SPAG9: variants seen among roughly 807,000 people sequenced by gnomAD.
SPAG9 encodes the protein C-Jun-amino-terminal kinase-interacting protein 4.
SPAG9 carries 35 observed loss-of-function variants against 166.5 expected under a neutral mutation model. That is an observed-to-expected ratio of 0.21 (90% CI 0.16 to 0.28). The LOEUF is 0.28. Ranked by LOEUF, SPAG9 falls within the 10% of genes least tolerant of loss-of-function variation. The probability of loss-of-function intolerance (pLI) is 1.00; values close to 1 mark genes in which losing one functional copy is unlikely to be tolerated. For synonymous variants in SPAG9, 534 were observed against 565.5 expected (o/e 0.94, Z 0.79); for missense variants, 1,235 against 1,603.3 (o/e 0.77, Z 3.92).
At chr17:51,077,029 T>TATCTAGCTATCTAGCTATCTAGCTAG (rs2048008868) in intron 2 of SPAG9, among the ~76,000 whole-genome samples, 1 of 65,274 alleles carries the variant, frequency 1.5e-5, no homozygotes, top group African/African-American at 5.6e-5. Flanking sequence ...TATCTAGCTA[T>TATCTAGCTATCTAGCTATCTAGCTAG]CTATCTAGCT....
chr17:51,021,611 A>T (rs2045939369), intron 6 of SPAG9, among the ~76,000 whole-genome samples: 2 of 152,202 alleles, frequency 1.3e-5, no homozygotes, highest in Admixed American at 1.3e-4. Context: ...AAAATAAAAG[A>T]ATTATTAGCA....
chr17:50,971,459 CTTTTTT>C (rs71353691), intron 28 of SPAG9, among the ~76,000 whole-genome samples: 1 of 89,900 alleles, frequency 1.1e-5, no homozygotes, highest in Admixed American at 1.4e-4. Context: ...TTCAAACTAC[CTTTTTT>C]TTTTTTTTTT....
chr17:51,013,828 T>C (rs1034003231), intron 9 of SPAG9, among the ~76,000 whole-genome samples: 2 of 152,082 alleles, frequency 1.3e-5, no homozygotes, highest in African/African-American at 4.8e-5. Context: ...TTAATTAAAG[T>C]CAACAGAATA....
chr17:51,116,189 G>T (rs1460601117), intron 1 of SPAG9, among the ~76,000 whole-genome samples: 4 of 152,074 alleles, frequency 2.6e-5, no homozygotes, highest in Non-Finnish European at 5.9e-5. Context: ...GGGATTACAG[G>T]CACCCACCAC....
chr17:51,054,609 C>T (rs1405004632), intron 3 of SPAG9, among the ~76,000 whole-genome samples: 2 of 151,372 alleles, frequency 1.3e-5, no homozygotes, highest in African/African-American at 2.4e-5. Context: ...GCTAATTTTT[C>T]GTATTTTTAG....
At chr17:51,088,919 C>T (rs927285303) in intron 1 of SPAG9, among the ~76,000 whole-genome samples, 1 of 149,788 alleles carries the variant, frequency 6.7e-6, no homozygotes, top group African/African-American at 2.5e-5. Flanking sequence ...ATGGTGCAAC[C>T]CCGCATCTAC....
intron 12 of SPAG9, among the ~76,000 whole-genome samples, chr17:51,004,347 C>T (rs1882395486): frequency 6.6e-6 from 1 of 152,062 alleles, no homozygotes; most frequent in South Asian, 2.1e-4. Flanking sequence ...ACATAAGATA[C>T]TAAAAAACAG....
chr17:50,983,821 A>T (rs1016639121), intron 24 of SPAG9, among the ~76,000 whole-genome samples: 3 of 152,306 alleles, frequency 2.0e-5, no homozygotes, highest in South Asian at 4.1e-4. Flanking sequence ...TTAATAATTT[A>T]CTGTAAAGAT....
At chr17:50,971,035 C>A (rs1337861003) in intron 28 of SPAG9, among the ~76,000 whole-genome samples, 179 bp from the exon 29 acceptor site, 1 of 151,864 alleles carries the variant, frequency 6.6e-6, no homozygotes, top group Non-Finnish European at 1.5e-5. Context: ...GTTTTAAGAA[C>A]CCGATTTGAG....
intron 1 of SPAG9, among the ~76,000 whole-genome samples, chr17:51,089,158 T>C (rs1372561270): frequency 2.0e-5 from 3 of 150,578 alleles, no homozygotes; most frequent in African/African-American, 7.3e-5. Flanking sequence ...GCACGGTGGC[T>C]CATGCCTGTA....
At chr17:51,011,303 A>T (rs2045474154) in intron 9 of SPAG9, among the ~76,000 whole-genome samples, 1 of 152,080 alleles carries the variant, frequency 6.6e-6, no homozygotes, top group Admixed American at 6.6e-5. Context: ...CTCAAAAAAA[A>T]AAAACAGTAA....
At chr17:51,118,015 G>A (rs1275424959) in intron 1 of SPAG9, among the ~76,000 whole-genome samples, 2 of 151,396 alleles carry the variant, frequency 1.3e-5, no homozygotes, top group Non-Finnish European at 2.9e-5. Flanking sequence ...GGGGTGGCAC[G>A]TGCCTATAGT....
intron 2 of SPAG9, among the ~76,000 whole-genome samples, chr17:51,061,384 G>A (rs997780382): frequency 4.6e-5 from 7 of 152,074 alleles, no homozygotes; most frequent in African/African-American, 1.4e-4. Flanking sequence ...AGGCCAAGGC[G>A]GGCTGATCAC....
At chr17:51,071,033 A>G (rs1397273499) in intron 2 of SPAG9, among the ~76,000 whole-genome samples, 2 of 152,152 alleles carry the variant, frequency 1.3e-5, no homozygotes, top group Non-Finnish European at 2.9e-5. Flanking sequence ...ATATATGGGA[A>G]AAAGACTAGT....
At chr17:51,032,472 T>C (rs1212160432) in intron 5 of SPAG9, among the ~76,000 whole-genome samples, 1 of 152,118 alleles carries the variant, frequency 6.6e-6, no homozygotes, top group African/African-American at 2.4e-5. Context: ...CCCAAATCCT[T>C]TTTCATAAAA....
At chr17:50,984,351 A>G (rs189419904) in intron 24 of SPAG9, among the ~76,000 whole-genome samples, 5 of 152,328 alleles carry the variant, frequency 3.3e-5, no homozygotes, top group East Asian at 1.9e-4. Flanking sequence ...TCCGAATTGC[A>G]TAAGTATATG....
At chr17:51,066,580 A>AAAAAAAAAAAAAAAAAC (rs2047676635) in intron 2 of SPAG9, among the ~76,000 whole-genome samples, 1 of 150,612 alleles carries the variant, frequency 6.6e-6, no homozygotes, top group African/African-American at 2.4e-5. Context: ...AAAAAAAAAA[A>AAAAAAAAAAAAAAAAAC]AGACCATGGC....
intron 1 of SPAG9, among the ~76,000 whole-genome samples, chr17:51,095,412 G>C (rs1045165385): frequency 8.6e-5 from 13 of 151,124 alleles, no homozygotes; most frequent in African/African-American, 3.2e-4. Flanking sequence ...TTCAAGACCA[G>C]CCTGACCAAC....
In SPAG9 at chr17:51,117,662, T is replaced by C. The variant is rs940414359; in HGVS notation, c.303+2692A>G. ...AGGCGGAGGCTGCAGTGAGTCAAGA[T>C]TGTGCCACTGCACTCCAGCCTGGGT... On this transcript the variant is annotated intron_variant, in intron 1 of 29. Coordinates refer to ENST00000262013, the MANE Select transcript of SPAG9 (RefSeq NM_001130528.3). Among the ~76,000 whole-genome samples, 5 of 139,966 alleles carry C rather than the reference T, an allele frequency of 3.6e-5. No homozygotes were observed. The South Asian group carries it at 8.8e-4, about 25-fold the overall frequency. The allele number at this position is 139,966 out of a possible 152,430, so 91.8% of individuals were successfully genotyped here.
Sources: gnomAD v4.1 joint callset for allele counts (sites outside exome capture counted in the v4.1 genomes callset) on GRCh38, gnomAD v4.1.1 for gene constraint, MANE v1.5 for transcripts, NCBI Gene and HGNC (gene_info 2026-07-23, HGNC 2026-07-21) for gene names.